The following EHMT1 variants were observed in gnomAD, a reference collection of about 807,000 sequenced individuals.
EHMT1 encodes euchromatic histone lysine methyltransferase 1, also known as histone-lysine N-methyltransferase EHMT1.
In EHMT1, 15 loss-of-function variants were observed where a neutral mutation model predicts 147.2. The observed-to-expected ratio is 0.10, with a 90% CI of 0.07 to 0.16. The LOEUF is 0.16. EHMT1 is among the 10% of genes least tolerant of loss of function. EHMT1 has a pLI of 1.00. For missense variants in EHMT1, 1,587 were observed against 1,772.4 expected (o/e 0.90, Z 1.88); for synonymous variants, 795 against 709.6 (o/e 1.12, Z -1.91).
chr9:137,710,601 T>A (rs1944616458), intron 1 of EHMT1, among the ~76,000 whole-genome samples: 1 of 152,200 alleles, frequency 6.6e-6, no homozygotes, highest in African/African-American at 2.4e-5. Flanking sequence ...TGTAGGAGGT[T>A]GGACATTTGA....
At chr9:137,673,133 C>T (rs201449472) in intron 1 of EHMT1, among the ~76,000 whole-genome samples, 4 of 152,122 alleles carry the variant, frequency 2.6e-5, no homozygotes, top group South Asian at 2.1e-4. Flanking sequence ...CCTTACCTTC[C>T]TTTTGCATCA....
At chr9:137,631,601 C>T (rs749561898) in intron 1 of EHMT1, among the ~76,000 whole-genome samples, 2 of 151,932 alleles carry the variant, frequency 1.3e-5, no homozygotes, top group African/African-American at 4.8e-5. Context: ...GAAGGTCAGG[C>T]GTGGTGGCTC....
chr9:137,752,607 G>A (rs982834494), intron 7 of EHMT1, among the ~76,000 whole-genome samples, 199 bp downstream of exon 7: 3 of 152,322 alleles, frequency 2.0e-5, no homozygotes, highest in African/African-American at 4.8e-5. Context: ...GAGTTGCAGC[G>A]CAGGGCTGGG....
At chr9:137,834,669 C>T (rs995278990) in intron 26 of EHMT1, 104 bp from the exon 27 acceptor site, 8 of 1,596,778 alleles carry the variant, frequency 5.0e-6, no homozygotes, top group East Asian at 2.2e-5. Flanking sequence ...GGATGCGGCA[C>T]GGCAGATCGG....
intron 1 of EHMT1, chr9:137,697,060 C>T (rs1053057881): frequency 1.2e-5 from 4 of 321,550 alleles, no homozygotes; most frequent in Admixed American, 3.3e-5. Context: ...GCGGGCGGAT[C>T]GCTTGAGGTC....
At chr9:137,817,710 C>T in intron 24 of EHMT1, 185 bp downstream of exon 24, 1 of 734,034 alleles carries the variant, frequency 1.4e-6, no homozygotes, top group East Asian at 2.7e-5. Flanking sequence ...CCTCTTGCTG[C>T]TGCCCGTAAC....
chr9:137,804,897 A>G (rs1472816703), intron 18 of EHMT1, among the ~76,000 whole-genome samples: 1 of 152,110 alleles, frequency 6.6e-6, no homozygotes, highest in Non-Finnish European at 1.5e-5. Flanking sequence ...TGAGTCAGTT[A>G]CCCATGTGTT....
In EHMT1 at chr9:137,742,289, T is replaced by TTGTGTGTGTGTGTG. The variant is rs56080406; in HGVS notation, c.824-1052_824-1039dup. Among the ~76,000 whole-genome samples, 533 of 135,134 alleles carry TTGTGTGTGTGTGTG rather than the reference T, an allele frequency of 3.9e-3. 5 individuals carry two copies. The highest frequency in any genetic ancestry group is 7.2e-3 in the Middle Eastern group (2 of 278). 88.7% of individuals were successfully genotyped at this position (135,134 alleles called of 152,430 possible). On this transcript the variant is annotated intron_variant, in intron 4 of 26. Transcript: ENST00000460843. The stretch of plus-strand genomic sequence containing the variant: ...GCTTCTGCACTTTGTAGAACCAAAT[T>TTGTGTGTGTGTGTG]TGTGTGTGTGTGTGTGTGTGTGTGT...
intron 6 of EHMT1, chr9:137,747,169 T>A (rs1013050032): frequency 1.3e-5 from 2 of 152,212 alleles, no homozygotes; most frequent in Non-Finnish European, 2.9e-5. Context: ...ATACATTTTT[T>A]TTTTTTGGGA....
At chr9:137,685,085 A>G (rs1942310051) in intron 1 of EHMT1, among the ~76,000 whole-genome samples, 1 of 152,054 alleles carries the variant, frequency 6.6e-6, no homozygotes, top group Non-Finnish European at 1.5e-5. Flanking sequence ...TTATTGTGAT[A>G]AAGTATACTT....
intron 25 of EHMT1, among the ~76,000 whole-genome samples, chr9:137,829,139 C>G (rs1956027064): frequency 6.6e-6 from 1 of 152,252 alleles, no homozygotes; most frequent in African/African-American, 2.4e-5. Flanking sequence ...CTGTCTGCCA[C>G]CTGCACCTCC....
At chr9:137,647,705 C>T (rs1001565676) in intron 1 of EHMT1, among the ~76,000 whole-genome samples, 3 of 151,754 alleles carry the variant, frequency 2.0e-5, no homozygotes, top group African/African-American at 4.8e-5. Context: ...AGTGATTCTC[C>T]TGTCTCAGCC....
Position 137,813,586 on chromosome 9 carries a change from C to G in EHMT1, c.3180+56C>G. 6.2e-7 allele frequency: 1 copy of G among 1,607,528 alleles called. No individual in the cohort carries two copies. The highest frequency in any genetic ancestry group is 8.5e-7 in the Non-Finnish European group (1 of 1,178,242). The stretch of plus-strand genomic sequence containing the variant: ...GGCCAGGACATGGGACAGGCAGAAG[C>G]TTCTTGAGCCTGGGGTCCTGGGTTC... On this transcript the variant is annotated intron_variant, in intron 21 of 26. Transcript: ENST00000460843. The surrounding 1 kb of genome is among the most constrained non-coding windows in gnomAD (Gnocchi z 4.9).
intron 1 of EHMT1, among the ~76,000 whole-genome samples, chr9:137,644,066 G>T (rs1844706447): frequency 6.6e-6 from 1 of 152,248 alleles, no homozygotes; most frequent in Non-Finnish European, 1.5e-5. Context: ...GACGATGGGT[G>T]TGAGCTGTCT....
chr9:137,768,036 T>C (rs1950324421), intron 10 of EHMT1, among the ~76,000 whole-genome samples: 2 of 152,186 alleles, frequency 1.3e-5, no homozygotes, highest in South Asian at 2.1e-4. Flanking sequence ...AGTACAGTCA[T>C]GTTTGTACAA....
intron 18 of EHMT1, among the ~76,000 whole-genome samples, chr9:137,805,004 G>A (rs534839199): frequency 1.6e-4 from 24 of 151,782 alleles, no homozygotes; most frequent in African/African-American, 5.8e-4. Context: ...ACATGTGTCA[G>A]TTGTCCATGT....
At chr9:137,628,562 G>T (rs1843414529) in intron 1 of EHMT1, among the ~76,000 whole-genome samples, 1 of 152,192 alleles carries the variant, frequency 6.6e-6, no homozygotes, top group South Asian at 2.1e-4. Context: ...TCACAGGCGT[G>T]AACTGCTGTG....
In EHMT1 at chr9:137,775,349, G is replaced by A. The variant is rs1328255253; in HGVS notation, c.1791+97G>A. On this transcript the variant is annotated intron_variant, in intron 11 of 26. Coordinates refer to ENST00000460843, the MANE Select transcript of EHMT1 (RefSeq NM_024757.5). This position sits in a 1 kb window ranked among gnomAD's most constrained non-coding sequence, Gnocchi z 6.1. ...TCCTGTGTCCACCTGCTGTCGGGTG[G>A]TCCAGCAGCTGGCCCAGGTCTGGTG... The A allele has an allele frequency of 4.6e-6, 7 of 1,536,578 alleles. No individual in the cohort carries two copies. The African/African-American group carries it at 8.2e-5, about 18-fold the overall frequency.
At chr9:137,669,838 C>G (rs1361155403) in intron 1 of EHMT1, among the ~76,000 whole-genome samples, 1 of 152,100 alleles carries the variant, frequency 6.6e-6, no homozygotes, top group Non-Finnish European at 1.5e-5. Flanking sequence ...CAGGTGTGAG[C>G]CATGATGCCT....
Sources: allele counts gnomAD v4.1 joint callset (sites outside exome capture counted in the v4.1 genomes callset), GRCh38; gene constraint gnomAD v4.1.1; non-coding constraint Gnocchi (gnomAD v3.1); transcripts MANE v1.5; gene names NCBI Gene and HGNC (gene_info 2026-07-23, HGNC 2026-07-21).